The following SULT1B1 variants were observed in gnomAD, a reference collection of about 807,000 sequenced individuals.
The protein encoded by SULT1B1 is sulfotransferase family 1B member 1, also known as sulfotransferase 1B1.
In SULT1B1, 28 loss-of-function variants were observed where a neutral mutation model predicts 34.6. The ratio of observed to expected loss-of-function variants is 0.81; its 90% CI spans 0.60 to 1.11. The LOEUF is 1.11. Among genes scored for constraint, SULT1B1 ranks in the 50% least tolerant of loss-of-function variants. The pLI, the probability that SULT1B1 is intolerant of heterozygous loss-of-function variation, is 0.00. For missense variants in SULT1B1, 374 were observed against 352.2 expected, an observed-to-expected ratio of 1.06 and a Z score of -0.50; for synonymous variants, 147 against 110.2, an observed-to-expected ratio of 1.33 and a Z score of -2.09.
At chr4:69,736,164 A>AG (rs1718302139) in intron 4 of SULT1B1, among the ~76,000 whole-genome samples, 1 of 152,142 alleles carries the variant, frequency 6.6e-6, no homozygotes, top group Admixed American at 6.5e-5. Context: ...ATATAGACCA[A>AG]TCCTATCTAG....
chr4:69,729,425 C>T (rs1031665220), intron 7 of SULT1B1, among the ~76,000 whole-genome samples: 1 of 152,022 alleles, frequency 6.6e-6, no homozygotes, highest in Non-Finnish European at 1.5e-5. Flanking sequence ...TGTCCATACA[C>T]ATACATTTAC....
chr4:69,759,845 A>C (rs772027473), intron 1 of SULT1B1, among the ~76,000 whole-genome samples: 4 of 152,244 alleles, frequency 2.6e-5, no homozygotes, highest in Non-Finnish European at 5.9e-5. Context: ...CCATAGGCTG[A>C]AAATTAAAAT....
At chr4:69,756,111 T>C (rs1719179429) in intron 1 of SULT1B1, among the ~76,000 whole-genome samples, 1 of 152,228 alleles carries the variant, frequency 6.6e-6, no homozygotes, top group Non-Finnish European at 1.5e-5. Context: ...GTAGTTTTAA[T>C]CTCTGGCTGT....
rs1717713785 is a variant in SULT1B1, at chr4:69,723,392, C to A, written c.*3696G>T. 6.6e-6 allele frequency: 1 copy of A among 151,980 alleles called. No individual in the cohort carries two copies. The allele number at this position is 151,980 out of a possible 1,614,324, so 9.4% of individuals were successfully genotyped here. On this transcript the variant is annotated 3_prime_UTR_variant, in exon 8 of 8. Transcript: ENST00000310613. Reference sequence around the variant, plus strand: ...ATAGAGGCAATAATTAATAGCTTACCAACCAAAAGAAGTCCAGGACCAGAT... The same window carrying A: ...ATAGAGGCAATAATTAATAGCTTACAAACCAAAAGAAGTCCAGGACCAGAT...
chr4:69,742,747 A>G (rs759016233), intron 4 of SULT1B1, among the ~76,000 whole-genome samples: 2 of 152,186 alleles, frequency 1.3e-5, no homozygotes, highest in Admixed American at 1.3e-4. Context: ...CCTGGATCTC[A>G]TGCCTGCCGA....
intron 3 of SULT1B1, among the ~76,000 whole-genome samples, chr4:69,752,730 A>T (rs942896484): frequency 3.3e-5 from 5 of 152,242 alleles, no homozygotes; most frequent in Admixed American, 6.5e-5. Flanking sequence ...TAACTAGTTC[A>T]GTCAGCCTGC....
chr4:69,732,744 T>C (rs1401294288), intron 6 of SULT1B1, among the ~76,000 whole-genome samples: 3 of 150,574 alleles, frequency 2.0e-5, no homozygotes, highest in Non-Finnish European at 4.4e-5. Context: ...AGATAGATGA[T>C]TACAAGTTTC....
In SULT1B1 at chr4:69,749,745, T is replaced by C; in HGVS notation, c.351A>G (p.Lys117=). The C allele has an allele frequency of 6.2e-7, 1 of 1,613,638 alleles. No individual in the cohort carries two copies. Among genetic ancestry groups the C allele is most frequent in the Admixed American group, 1.7e-5 (1 of 60,022 alleles). Residue 117 remains lysine, a synonymous_variant, in exon 4 of 8, where the codon AAA becomes AAG. Coordinates refer to ENST00000310613, the MANE Select transcript of SULT1B1 (RefSeq NM_014465.4). ...KTHLPTDLLP[K]SFWENNCKMI... ...CCTTGCAATTGTTTTCCCAGAAAGA[T>C]TTAGGAAGAAGATCAGTCGGTAGAT...
chr4:69,743,824 TGGCC>T lies in SULT1B1; in HGVS notation c.375+5893_375+5896del, dbSNP rs908139083. 2.0e-5 allele frequency among the ~76,000 whole-genome samples: 3 copies of T among 152,108 alleles called. 1 individual carries two copies. The highest frequency in any genetic ancestry group is 2.0e-4 in the Admixed American group (3 of 15,272). On this transcript the variant is annotated intron_variant, in intron 4 of 7. Transcript: ENST00000310613. Reference sequence around the variant, plus strand: ...TGGAGTGTGTTCCGCGAGCGGGTAGTGGCCAGATAGTGGGAGCAGACACCTCTGA... The same window carrying T: ...TGGAGTGTGTTCCGCGAGCGGGTAGTAGATAGTGGGAGCAGACACCTCTGA...
rs564931173 is a variant in SULT1B1, at chr4:69,758,740, A to C, written c.-45+1719T>G. Among the ~76,000 whole-genome samples, 4 of 152,308 alleles carry C rather than the reference A, an allele frequency of 2.6e-5. No homozygotes were observed. The South Asian group carries it at 8.3e-4, about 32-fold the overall frequency. On this transcript the variant is annotated intron_variant, in intron 1 of 7. Coordinates refer to ENST00000310613, the MANE Select transcript of SULT1B1 (RefSeq NM_014465.4). The stretch of plus-strand genomic sequence containing the variant: ...TGATTCCCCATGTAGCAAGTAGCTT[A>C]TATTATATATTTATAGCATCATTTC...
At chr4:69,740,077 T>G (rs972863397) in intron 4 of SULT1B1, among the ~76,000 whole-genome samples, 2 of 152,196 alleles carry the variant, frequency 1.3e-5, no homozygotes, top group Non-Finnish European at 2.9e-5. Flanking sequence ...TTCCAAACTT[T>G]CCCACATTTT....
chr4:69,737,063 T>C (rs778624973), intron 4 of SULT1B1, among the ~76,000 whole-genome samples: 2 of 151,568 alleles, frequency 1.3e-5, no homozygotes, highest in Non-Finnish European at 2.9e-5. Flanking sequence ...TAAAAGTACT[T>C]CTAAAATTTA....
intron 3 of SULT1B1, among the ~76,000 whole-genome samples, chr4:69,750,604 A>G (rs1354360): frequency 0.29 from 44,774 of 152,122 alleles, 7,691 homozygotes; most frequent in South Asian, 0.45. Flanking sequence ...TGACTCACTC[A>G]TTGAAAACAA....
chr4:69,734,821 C>T (rs1031461311), intron 4 of SULT1B1, among the ~76,000 whole-genome samples: 3 of 142,990 alleles, frequency 2.1e-5, no homozygotes, highest in South Asian at 4.7e-4. Flanking sequence ...TTTTCTACTT[C>T]GCTACTCTTT....
intron 7 of SULT1B1, among the ~76,000 whole-genome samples, chr4:69,728,444 T>TACTTA (rs560514211): frequency 2.2e-4 from 33 of 152,184 alleles, no homozygotes; most frequent in Admixed American, 3.9e-4. Context: ...CATTTGTTCA[T>TACTTA]ACTTAACTTC....
chr4:69,760,211 T>G (rs916415097), intron 1 of SULT1B1: 21 of 984,522 alleles, frequency 2.1e-5, no homozygotes, highest in Non-Finnish European at 2.5e-5. Context: ...GGCTTACAGT[T>G]TCTTGAGAAG....
rs1358196313 is a variant in SULT1B1 at position 69,751,505 on chromosome 4, G to T, written c.278-1687C>A. On this transcript the variant is annotated intron_variant, in intron 3 of 7. Transcript: ENST00000310613. Reference sequence around the variant, plus strand: ...CTCACTCTGTCGCCCAGGCTGGAGTGCAGTGGCGCGATCTCAGTTCACTGC... The same window carrying T: ...CTCACTCTGTCGCCCAGGCTGGAGTTCAGTGGCGCGATCTCAGTTCACTGC... 2.6e-5 allele frequency among the ~76,000 whole-genome samples: 4 copies of T among 152,104 alleles called. No homozygotes were observed. In the East Asian group the frequency reaches 7.7e-4, roughly 29 times the overall value.
intron 5 of SULT1B1, 76 bp from the exon 6 acceptor site, chr4:69,733,583 G>A: frequency 8.9e-7 from 1 of 1,119,660 alleles, no homozygotes; most frequent in Non-Finnish European, 1.2e-6. Context: ...AAATCAAATT[G>A]TGAAAACATT....
chr4:69,751,449 A>AGTTT (rs1221046886), intron 3 of SULT1B1, among the ~76,000 whole-genome samples: 2 of 151,956 alleles, frequency 1.3e-5, no homozygotes, highest in African/African-American at 2.4e-5. Flanking sequence ...CAGGCTCTGG[A>AGTTT]GTTTGTTTGT....
Sources: gnomAD v4.1 joint callset for allele counts (sites outside exome capture counted in the v4.1 genomes callset) on GRCh38, gnomAD v4.1.1 for gene constraint, MANE v1.5 for transcripts, NCBI Gene and HGNC (gene_info 2026-07-23, HGNC 2026-07-21) for gene names.